CYP3A7: variants seen among roughly 807,000 people sequenced by gnomAD.
The protein encoded by CYP3A7 is cytochrome P450 3A7.
CYP3A7 carries 45 observed loss-of-function variants against 55.2 expected under a neutral mutation model. The ratio of observed to expected loss-of-function variants is 0.82; its 90% CI spans 0.64 to 1.05. The LOEUF (loss-of-function observed/expected upper bound fraction) is 1.05, where lower values mean the gene tolerates loss of function less well. CYP3A7 is among the 50% of genes least tolerant of loss of function. The pLI, the probability that CYP3A7 is intolerant of heterozygous loss-of-function variation, is 0.00. For missense variants in CYP3A7, 548 were observed against 605.3 expected, an observed-to-expected ratio of 0.91 and a Z score of 0.99; for synonymous variants, 180 against 207.4, an observed-to-expected ratio of 0.87 and a Z score of 1.13.
At chr7:99,726,398 T>C (rs1259280553) in intron 2 of CYP3A7, among the ~76,000 whole-genome samples, 3 of 152,228 alleles carry the variant, frequency 2.0e-5, no homozygotes, top group Non-Finnish European at 2.9e-5. Flanking sequence ...TACAGGTTTG[T>C]TCAGGATCTG....
intron 9 of CYP3A7, among the ~76,000 whole-genome samples, chr7:99,712,652 A>ATT (rs1234995889): frequency 6.6e-6 from 1 of 151,164 alleles, no homozygotes; most frequent in East Asian, 1.9e-4. Flanking sequence ...TGGACAGATG[A>ATT]TAGATAGATA....
rs28451617 is a variant in CYP3A7 at position 99,735,142 on chromosome 7, C to T, written c.-49G>A. 10,480 of 1,610,904 alleles carry T rather than the reference C, an allele frequency of 6.5e-3. 476 individuals are homozygous for T. The African/African-American group carries it at 0.11, about 16-fold the overall frequency. On this transcript the variant is annotated 5_prime_UTR_variant, in exon 1 of 13. Coordinates refer to ENST00000336374, the MANE Select transcript of CYP3A7 (RefSeq NM_000765.5). ...CTCCTCTGAGTCTTTTTTTCAGCAGCGTGCTGCTGTTTGCTGGGCTGTGTG... is the reference window on the plus strand; with the variant it reads ...CTCCTCTGAGTCTTTTTTTCAGCAGTGTGCTGCTGTTTGCTGGGCTGTGTG...
At chr7:99,712,198 A>G (rs1813773302) in intron 9 of CYP3A7, among the ~76,000 whole-genome samples, 1 of 152,194 alleles carries the variant, frequency 6.6e-6, no homozygotes, top group African/African-American at 2.4e-5. Context: ...GCCTGTTCCA[A>G]CCATGTAACT....
At chr7:99,722,215 G>T in intron 3 of CYP3A7, 81 bp downstream of exon 3, 1 of 1,572,698 alleles carries the variant, frequency 6.4e-7, no homozygotes, top group Non-Finnish European at 8.7e-7. Flanking sequence ...AAGAGGCTCT[G>T]GGCTGAGACT....
chr7:99,732,273 C>T (rs1814656254), intron 1 of CYP3A7, among the ~76,000 whole-genome samples: 1 of 152,164 alleles, frequency 6.6e-6, no homozygotes, highest in African/African-American at 2.4e-5. Flanking sequence ...TCACCTTCTG[C>T]CATGATTGTA....
Position 99,705,483 on chromosome 7 carries a change from A to G in CYP3A7, c.*17T>C, listed in dbSNP as rs774084637. On this transcript the variant is annotated 3_prime_UTR_variant, in exon 13 of 13. Transcript: ENST00000336374. ...GCACAGCTTTCTTAAAGAGCAAACC[A>G]GAAGTCCTTAGGGAAATCAGGCTCC... is the stretch of plus-strand genomic sequence containing the variant. The G allele has an allele frequency of 6.2e-7, 1 of 1,612,776 alleles. No homozygotes were observed. Among genetic ancestry groups the G allele is most frequent in the Non-Finnish European group, 8.5e-7 (1 of 1,179,042 alleles).
Position 99,705,397 on chromosome 7 carries a change from A to C in CYP3A7, c.*103T>G. The C allele has an allele frequency of 7.7e-7, 1 of 1,298,260 alleles. No homozygotes were observed. The highest frequency in any genetic ancestry group is 1.1e-6 in the Non-Finnish European group (1 of 903,998). 80.4% of individuals were successfully genotyped at this position (1,298,260 alleles called of 1,614,324 possible). A position where few individuals can be genotyped will look rare whatever the true frequency, so the allele number is the denominator to read the frequency against. On this transcript the variant is annotated 3_prime_UTR_variant, in exon 13 of 13. Coordinates refer to ENST00000336374, the MANE Select transcript of CYP3A7 (RefSeq NM_000765.5). ...GATTATTTATGCAGCACATTGGATG[A>C]AGCCCGTCTTCATTTCAGGGTTCTA...
At position 99,705,161 on chromosome 7, in the gene CYP3A7, G is replaced by A. The variant is rs1813473318; in HGVS notation, c.*339C>T. The A allele has an allele frequency of 4.0e-6, 1 of 252,248 alleles. No individual in the cohort carries two copies. The highest frequency in any genetic ancestry group is 2.2e-5 in the African/African-American group (1 of 44,880). 15.6% of individuals were successfully genotyped at this position (252,248 alleles called of 1,614,324 possible). Reference sequence around the variant, plus strand: ...CAAAATAATTCCTATTTTTATTAATGATTGTGGTTGAAATTATTGAGAAAT... The same window carrying A: ...CAAAATAATTCCTATTTTTATTAATAATTGTGGTTGAAATTATTGAGAAAT... On this transcript the variant is annotated 3_prime_UTR_variant, in exon 13 of 13. Coordinates refer to ENST00000336374, the MANE Select transcript of CYP3A7 (RefSeq NM_000765.5).
At chr7:99,721,738 G>T (rs1584517316) in intron 3 of CYP3A7, among the ~76,000 whole-genome samples, 1 of 142,502 alleles carries the variant, frequency 7.0e-6, no homozygotes, top group Non-Finnish European at 1.5e-5. Context: ...CCAAAATTAT[G>T]ACACGTGTGT....
chr7:99,720,736 T>C, intron 3 of CYP3A7: 1 of 269,346 alleles, frequency 3.7e-6, no homozygotes, highest in Non-Finnish European at 7.2e-6. Context: ...GTATTTCCCA[T>C]GCCATTCTCC....
At chr7:99,717,787 G>T in intron 4 of CYP3A7, 148 bp from the exon 5 acceptor site, 1 of 1,073,068 alleles carries the variant, frequency 9.3e-7, no homozygotes, top group Admixed American at 2.1e-5. Flanking sequence ...TGCTCAATAG[G>T]ATTTATCCCA....
At chr7:99,729,931 G>A (rs1434628411) in intron 2 of CYP3A7, among the ~76,000 whole-genome samples, 1 of 152,206 alleles carries the variant, frequency 6.6e-6, no homozygotes, top group Non-Finnish European at 1.5e-5. Flanking sequence ...GGACGCATGT[G>A]AAAGTAGGGA....
At position 99,705,314 on chromosome 7, in the gene CYP3A7, A is replaced by G; in HGVS notation, c.*186T>C. 1.6e-6 allele frequency: 1 copy of G among 643,362 alleles called. No homozygotes were observed. The highest frequency in any genetic ancestry group is 1.9e-5 in the South Asian group (1 of 52,504). The allele number at this position is 643,362 out of a possible 1,614,324, so 39.9% of individuals were successfully genotyped here. A position where few individuals can be genotyped will look rare whatever the true frequency, so the allele number is the denominator to read the frequency against. On this transcript the variant is annotated 3_prime_UTR_variant, in exon 13 of 13. Coordinates refer to ENST00000336374, the MANE Select transcript of CYP3A7 (RefSeq NM_000765.5). ...CTGATTTGGTCATCTCCTCTATATT[A>G]CCAAGTATAACACTCTATACAGACC...
chr7:99,705,567 A>C lies in CYP3A7; in HGVS notation c.1445T>G (p.Leu482Arg), dbSNP rs770674379. ...AACAATGGGTTTTTCTGTTAGAAGA[A>C]GTCCTCCAAAGCGTAATTTCAGGGG... The part of the protein sequence containing the change: ...QIPLKLRFGG[L>R]LLTEKPIVLK... The change falls in exon 13 of 13, where the codon CTT becomes CGT. Residue 482 changes from leucine to arginine, a missense_variant. Leu to Arg is a moderately radical substitution (Grantham distance 102). Coordinates refer to ENST00000336374, the MANE Select transcript of CYP3A7 (RefSeq NM_000765.5). 8.7e-6 allele frequency: 14 copies of C among 1,613,724 alleles called. No homozygotes were observed. The highest frequency in any genetic ancestry group is 1.2e-5 in the Non-Finnish European group (14 of 1,179,712).
At chr7:99,725,435 A>G (rs1814373442) in intron 2 of CYP3A7, among the ~76,000 whole-genome samples, 1 of 152,232 alleles carries the variant, frequency 6.6e-6, no homozygotes, top group Non-Finnish European at 1.5e-5. Flanking sequence ...ACTTGCCTCC[A>G]GTGTAAGACA....
intron 5 of CYP3A7, 90 bp downstream of exon 5, chr7:99,717,436 C>T (rs375337163): frequency 1.9e-6 from 3 of 1,587,890 alleles, no homozygotes; most frequent in Non-Finnish European, 1.7e-6. Context: ...GCAGACTACT[C>T]CTCGGAAAGG....
chr7:99,726,818 AT>A (rs1814430191), intron 2 of CYP3A7, among the ~76,000 whole-genome samples: 1 of 152,148 alleles, frequency 6.6e-6, no homozygotes, highest in Admixed American at 6.5e-5. Context: ...GATATCGGGT[AT>A]CCCCCTCCAA....
intron 8 of CYP3A7, 126 bp downstream of exon 8, chr7:99,714,428 TA>T (rs1813861080): frequency 1.4e-6 from 2 of 1,444,330 alleles, no homozygotes. Context: ...TATCTTGCTC[TA>T]AACATAAGTA....
At chr7:99,723,810 G>T (rs531793219) in intron 2 of CYP3A7, among the ~76,000 whole-genome samples, 2 of 152,120 alleles carry the variant, frequency 1.3e-5, no homozygotes, top group African/African-American at 4.8e-5. Context: ...TCCCTTTCTG[G>T]TAGAGACGGA....
Sources: allele counts gnomAD v4.1 joint callset (sites outside exome capture counted in the v4.1 genomes callset), GRCh38; gene constraint gnomAD v4.1.1; transcripts MANE v1.5; gene names NCBI Gene and HGNC (gene_info 2026-07-23, HGNC 2026-07-21).